FRMPD4: variants seen among roughly 807,000 people sequenced by gnomAD.
The protein encoded by FRMPD4 is FERM and PDZ domain-containing protein 4.
FRMPD4 carries 22 observed loss-of-function variants against 94.1 expected under a neutral mutation model. The ratio of observed to expected loss-of-function variants is 0.23; its 90% confidence interval spans 0.17 to 0.33. The LOEUF (loss-of-function observed/expected upper bound fraction) is 0.33, where lower values mean the gene tolerates loss of function less well. Among genes scored for constraint, FRMPD4 ranks in the 10% least tolerant of loss-of-function variants. The probability of loss-of-function intolerance (pLI) is 1.00; values close to 1 mark genes in which losing one functional copy is unlikely to be tolerated. For missense variants in FRMPD4, 1,111 were observed against 1,339.9 expected, an observed-to-expected ratio of 0.83 and a Z score of 2.67; for synonymous variants, 631 against 548.6, an observed-to-expected ratio of 1.15 and a Z score of -2.10.
intron 1 of FRMPD4, among the ~76,000 whole-genome samples, chrX:12,308,309 C>G (rs902736893): frequency 4.5e-5 from 5 of 111,999 alleles, no homozygotes; most frequent in African/African-American, 1.6e-4. Flanking sequence ...CCTGAAGATC[C>G]TGCAGTATGC....
At chrX:12,670,360 A>G (rs4633224) in intron 4 of FRMPD4, among the ~76,000 whole-genome samples, 1,745 of 112,355 alleles carry the variant, frequency 0.016, 38 homozygotes, top group African/African-American at 0.052. Flanking sequence ...GGCTAGAGTA[A>G]TAAAAACAGC....
intron 3 of FRMPD4, among the ~76,000 whole-genome samples, chrX:11,930,057 G>A (rs769951042): frequency 8.2e-5 from 7 of 84,872 alleles, no homozygotes; most frequent in Admixed American, 6.7e-4. Flanking sequence ...ATACTGAGCC[G>A]AGATCATACC....
At chrX:12,686,404 T>A (rs1029281658) in intron 7 of FRMPD4, among the ~76,000 whole-genome samples, 200 bp downstream of exon 7, 1 of 112,485 alleles carries the variant, frequency 8.9e-6, no homozygotes, top group Admixed American at 9.4e-5. Context: ...CTCTGCTCTT[T>A]TATTTCTCTT....
intron 1 of FRMPD4, among the ~76,000 whole-genome samples, chrX:12,455,121 G>A (rs1169556386): frequency 1.8e-5 from 2 of 110,878 alleles, no homozygotes; most frequent in East Asian, 5.6e-4. Flanking sequence ...TGAAGGGCAT[G>A]CAGGAACTAT....
chrX:12,437,400 T>TTTTC (rs35076495), intron 1 of FRMPD4, among the ~76,000 whole-genome samples: 32,161 of 107,775 alleles, frequency 0.3, 4,004 homozygotes, highest in Non-Finnish European at 0.32. Context: ...ATATATTCTT[T>TTTTC]TTTCTTTCTT....
intron 1 of FRMPD4, among the ~76,000 whole-genome samples, chrX:12,210,122 C>T (rs959555010): frequency 4.3e-4 from 48 of 111,687 alleles, no homozygotes; most frequent in African/African-American, 1.6e-3. Context: ...TAAATCCATG[C>T]ACAAAACAAT....
chrX:12,529,125 G>A lies in FRMPD4; in HGVS notation c.158+30329G>A, dbSNP rs183260177. 9.8e-3 allele frequency among the ~76,000 whole-genome samples: 1,096 copies of A among 112,397 alleles called. 6 individuals are homozygous for A. The highest frequency in any genetic ancestry group is 0.015 in the Non-Finnish European group (796 of 53,288). On this transcript the variant is annotated intron_variant, in intron 2 of 16. Transcript: ENST00000675598. ...CAATCAAAGGGCTGACTAGGACTTG[G>A]AATCTCATTTGAAAGTTAGATTGGG... is the stretch of plus-strand genomic sequence containing the variant.
chrX:12,448,949 C>T (rs1193621045), intron 1 of FRMPD4, among the ~76,000 whole-genome samples: 1 of 111,609 alleles, frequency 9.0e-6, no homozygotes, highest in Non-Finnish European at 1.9e-5. Context: ...CCCGCTTGAA[C>T]AGCCCACCTC....
At chrX:12,243,153 A>T (rs1159492406) in intron 1 of FRMPD4, among the ~76,000 whole-genome samples, 1 of 112,248 alleles carries the variant, frequency 8.9e-6, no homozygotes, top group Non-Finnish European at 1.9e-5. Context: ...GAGTGTTGGG[A>T]TTACAGGTGT....
intron 3 of FRMPD4, among the ~76,000 whole-genome samples, chrX:12,112,388 C>T (rs1023764942): frequency 2.7e-5 from 3 of 109,262 alleles, no homozygotes; most frequent in Non-Finnish European, 5.7e-5. Context: ...GGACACAGGG[C>T]GGGGAACATC....
intron 3 of FRMPD4, among the ~76,000 whole-genome samples, chrX:12,034,295 T>C (rs371109166): frequency 2.7e-5 from 3 of 112,091 alleles, no homozygotes; most frequent in South Asian, 3.8e-4. Flanking sequence ...GTCTTCGTTG[T>C]AGGGCTGCAG....
At chrX:12,681,642 A>T (rs2059972798) in intron 5 of FRMPD4, among the ~76,000 whole-genome samples, 1 of 109,542 alleles carries the variant, frequency 9.1e-6, no homozygotes, top group African/African-American at 3.3e-5. Flanking sequence ...TGTGGAGGGG[A>T]ACTTTAGAAA....
intron 3 of FRMPD4, among the ~76,000 whole-genome samples, chrX:12,086,297 A>G (rs1178891062): frequency 8.9e-6 from 1 of 112,078 alleles, no homozygotes; most frequent in Non-Finnish European, 1.9e-5. Flanking sequence ...TCTGTAATAA[A>G]GGAACTTGCT....
At chrX:11,852,487 C>T (rs1410366720) in intron 1 of FRMPD4, among the ~76,000 whole-genome samples, 1 of 107,793 alleles carries the variant, frequency 9.3e-6, no homozygotes, top group Admixed American at 1.0e-4. Flanking sequence ...GAATATACTT[C>T]GTTATGATTT....
chrX:12,645,457 G>A (rs1404865584), intron 4 of FRMPD4, among the ~76,000 whole-genome samples: 1 of 101,289 alleles, frequency 9.9e-6, no homozygotes, highest in Non-Finnish European at 2.0e-5. Flanking sequence ...CCGGGTTCAA[G>A]TGATTCTCCT....
chrX:11,981,777 C>T (rs1053394615), intron 3 of FRMPD4, among the ~76,000 whole-genome samples: 11 of 111,180 alleles, frequency 9.9e-5, no homozygotes, highest in African/African-American at 3.6e-4. Flanking sequence ...CATTTTTGCT[C>T]TCCATTAGAC....
At chrX:12,196,648 A>G (rs1302030414) in intron 1 of FRMPD4, among the ~76,000 whole-genome samples, 1 of 108,023 alleles carries the variant, frequency 9.3e-6, no homozygotes, top group African/African-American at 3.3e-5. Context: ...TATAAAAAAT[A>G]TATTTATAAT....
rs181706601 is a variant in FRMPD4 at position 12,454,096 on chromosome X, C to T, written c.42-44584C>T. Among the ~76,000 whole-genome samples the T allele has an allele frequency of 8.9e-5, 10 of 112,179 alleles. No homozygotes were observed. The Middle Eastern group carries it at 0.014, about 155-fold the overall frequency. On this transcript the variant is annotated intron_variant, in intron 1 of 16. Transcript: ENST00000675598. ...AGAAGAAAACTAATCTTTATTATGA[C>T]TTCTTAGAATATTCAAAAATAGCAT... is the stretch of plus-strand genomic sequence containing the variant.
At chrX:12,704,228 C>T in intron 10 of FRMPD4, 131 bp from the exon 11 acceptor site, 2 of 418,702 alleles carry the variant, frequency 4.8e-6, no homozygotes. Context: ...AAGTTACTTC[C>T]TTTGGGGACT....
Sources: allele counts gnomAD v4.1 joint callset (sites outside exome capture counted in the v4.1 genomes callset), GRCh38; gene constraint gnomAD v4.1.1; transcripts MANE v1.5; gene names NCBI Gene and HGNC (gene_info 2026-07-23, HGNC 2026-07-21).